The following MMP16 variants were observed in gnomAD, a reference collection of about 807,000 sequenced individuals.
MMP16 encodes matrix metallopeptidase 16, also known as matrix metalloproteinase-16.
A neutral mutation model predicts 67.8 loss-of-function variants in MMP16; 12 were observed. The observed-to-expected ratio is 0.18, with a 90% CI of 0.11 to 0.29. The LOEUF is 0.29. MMP16 is among the 10% of genes least tolerant of loss of function. MMP16 has a pLI of 1.00. For synonymous variants in MMP16, 249 were observed against 255.9 expected (o/e 0.97, Z 0.26); for missense variants, 475 against 765.7 (o/e 0.62, Z 4.48).
intron 6 of MMP16, among the ~76,000 whole-genome samples, chr8:88,077,650 T>A (rs970869372): frequency 3.9e-5 from 6 of 152,168 alleles, no homozygotes; most frequent in African/African-American, 1.4e-4. Flanking sequence ...AGGTGCACAA[T>A]AAATTTCTTT....
chr8:88,242,637 C>T (rs1261501920), intron 1 of MMP16, among the ~76,000 whole-genome samples: 1 of 152,046 alleles, frequency 6.6e-6, no homozygotes, highest in Non-Finnish European at 1.5e-5. Context: ...CAGTAAACAC[C>T]CCATCTGAAT....
At position 88,041,314 on chromosome 8, in the gene MMP16, C is replaced by T. The variant is rs544091621; in HGVS notation, c.*147G>A. 7.6e-4 allele frequency: 549 copies of T among 723,864 alleles called. 2 individuals carry two copies. Among genetic ancestry groups the T allele is most frequent in the Middle Eastern group, 2.5e-3 (9 of 3,646 alleles). The allele number at this position is 723,864 out of a possible 1,614,324, so 44.8% of individuals were successfully genotyped here. A position where few individuals can be genotyped will look rare whatever the true frequency, so the allele number is the denominator to read the frequency against. On this transcript the variant is annotated 3_prime_UTR_variant, in exon 10 of 10. Coordinates refer to ENST00000286614, the MANE Select transcript of MMP16 (RefSeq NM_005941.5). The surrounding 1 kb of genome is among the most constrained non-coding windows in gnomAD (Gnocchi z 6.0). ...AGTGTATTTCCACTCATGTGCAGGACCAGCAACCCTCTGGGTTTGAAAGGT... is the reference window on the plus strand; with the variant it reads ...AGTGTATTTCCACTCATGTGCAGGATCAGCAACCCTCTGGGTTTGAAAGGT...
chr8:88,131,497 A>T (rs1356506119), intron 4 of MMP16, among the ~76,000 whole-genome samples: 1 of 151,772 alleles, frequency 6.6e-6, no homozygotes, highest in Non-Finnish European at 1.5e-5. Context: ...AACCAGAAAC[A>T]CACACTATTC....
intron 1 of MMP16, among the ~76,000 whole-genome samples, chr8:88,261,208 T>C (rs1402523261): frequency 6.6e-6 from 1 of 152,182 alleles, no homozygotes; most frequent in Non-Finnish European, 1.5e-5. Flanking sequence ...ACAATCATTT[T>C]ACAAGGATCC....
chr8:88,192,853 G>C (rs1180710799), intron 2 of MMP16, among the ~76,000 whole-genome samples: 2 of 152,014 alleles, frequency 1.3e-5, no homozygotes, highest in African/African-American at 4.8e-5. Flanking sequence ...TGTACAATGA[G>C]ATATCATCCT....
chr8:88,199,745 A>G (rs1809312178), intron 1 of MMP16, among the ~76,000 whole-genome samples: 2 of 151,978 alleles, frequency 1.3e-5, no homozygotes, highest in South Asian at 4.1e-4. Context: ...AGATATATAC[A>G]TATATATCAC....
intron 1 of MMP16, among the ~76,000 whole-genome samples, chr8:88,267,679 T>C (rs1444642302): frequency 6.6e-6 from 1 of 152,200 alleles, no homozygotes; most frequent in Admixed American, 6.5e-5. Flanking sequence ...TAGCACATGG[T>C]GAAATGATGT....
At chr8:88,245,142 T>C (rs1810093522) in intron 1 of MMP16, among the ~76,000 whole-genome samples, 1 of 152,226 alleles carries the variant, frequency 6.6e-6, no homozygotes, top group Non-Finnish European at 1.5e-5. Flanking sequence ...TTTCTAACTA[T>C]GGCTAAAAGG....
At chr8:88,146,823 A>G (rs1168087387) in intron 4 of MMP16, among the ~76,000 whole-genome samples, 1 of 151,890 alleles carries the variant, frequency 6.6e-6, no homozygotes, top group Non-Finnish European at 1.5e-5. Context: ...ATATTTATGT[A>G]AATGTTCAAT....
intron 1 of MMP16, among the ~76,000 whole-genome samples, chr8:88,266,803 T>C (rs192929952): frequency 4.9e-4 from 75 of 152,310 alleles, no homozygotes; most frequent in Non-Finnish European, 4.0e-4. Flanking sequence ...TATTGCAATC[T>C]TCCTCTACCA....
At chr8:88,089,211 G>A (rs1349297645) in intron 6 of MMP16, among the ~76,000 whole-genome samples, 1 of 152,016 alleles carries the variant, frequency 6.6e-6, no homozygotes, top group African/African-American at 2.4e-5. Context: ...AGCCTTTTAA[G>A]GCAAGGAAGG....
At chr8:88,276,783 G>A (rs1212053698) in intron 1 of MMP16, among the ~76,000 whole-genome samples, 7 of 152,004 alleles carry the variant, frequency 4.6e-5, no homozygotes, top group South Asian at 2.1e-4. Flanking sequence ...AAGAGAACCC[G>A]AGTAAGATTT....
chr8:88,082,952 G>A (rs1397868355), intron 6 of MMP16, among the ~76,000 whole-genome samples: 2 of 151,942 alleles, frequency 1.3e-5, no homozygotes, highest in East Asian at 3.9e-4. Flanking sequence ...TTGGAACCCA[G>A]TACTCTGATT....
chr8:88,281,434 T>A (rs1473811344), intron 1 of MMP16, among the ~76,000 whole-genome samples: 1 of 152,192 alleles, frequency 6.6e-6, no homozygotes, highest in Non-Finnish European at 1.5e-5. Flanking sequence ...AAACCCATTT[T>A]CAAAATCATC....
At chr8:88,141,092 C>T (rs183536328) in intron 4 of MMP16, among the ~76,000 whole-genome samples, 7 of 152,216 alleles carry the variant, frequency 4.6e-5, no homozygotes, top group East Asian at 1.9e-4. Context: ...ACTCTCCATA[C>T]GCAAGTCGAA....
At chr8:88,300,301 C>G (rs1016684723) in intron 1 of MMP16, among the ~76,000 whole-genome samples, 13 of 152,218 alleles carry the variant, frequency 8.5e-5, no homozygotes, top group Admixed American at 7.9e-4. Flanking sequence ...TATGCAGTTT[C>G]ACTTTCTGTG....
chr8:88,292,664 G>A (rs1015510133), intron 1 of MMP16, among the ~76,000 whole-genome samples: 7 of 151,932 alleles, frequency 4.6e-5, no homozygotes, highest in African/African-American at 1.5e-4. Flanking sequence ...TCTAGCATCC[G>A]GATAATTAAA....
intron 1 of MMP16, among the ~76,000 whole-genome samples, chr8:88,201,200 A>C (rs1809339636): frequency 6.6e-6 from 1 of 151,222 alleles, no homozygotes; most frequent in African/African-American, 2.4e-5. Flanking sequence ...TAAACTACTG[A>C]ATATATTAGG....
intron 4 of MMP16, among the ~76,000 whole-genome samples, chr8:88,156,257 T>C (rs1032306225): frequency 2.0e-5 from 3 of 152,112 alleles, no homozygotes; most frequent in South Asian, 4.1e-4. Flanking sequence ...TGATATTCCA[T>C]GGTCTTAGGT....
Sources: allele counts gnomAD v4.1 joint callset (sites outside exome capture counted in the v4.1 genomes callset), GRCh38; gene constraint gnomAD v4.1.1; non-coding constraint Gnocchi (gnomAD v3.1); transcripts MANE v1.5; gene names NCBI Gene and HGNC (gene_info 2026-07-23, HGNC 2026-07-21).